Variants in PID1 observed in about 807,000 individuals in gnomAD.
The protein encoded by PID1 is phosphotyrosine interaction domain containing 1.
PID1 carries 10 observed loss-of-function variants against 19.1 expected under a neutral mutation model. That is an observed-to-expected ratio of 0.52 (90% CI 0.32 to 0.89). The LOEUF (loss-of-function observed/expected upper bound fraction) is 0.89, where lower values mean the gene tolerates loss of function less well. Ranked by LOEUF, PID1 falls within the 40% of genes least tolerant of loss-of-function variation. PID1 has a pLI of 0.03. For synonymous variants in PID1, 130 were observed against 116.0 expected (o/e 1.12, Z -0.78); for missense variants, 248 against 285.3 (o/e 0.87, Z 0.94).
At chr2:229,260,378 G>A (rs1232640057) in intron 1 of PID1, among the ~76,000 whole-genome samples, 1 of 151,918 alleles carries the variant, frequency 6.6e-6, no homozygotes, top group African/African-American at 2.4e-5. Flanking sequence ...CTACACAGGT[G>A]CTAAAAGGAA....
At chr2:229,109,016 T>C (rs529572294) in intron 2 of PID1, among the ~76,000 whole-genome samples, 1 of 152,274 alleles carries the variant, frequency 6.6e-6, no homozygotes, top group South Asian at 2.1e-4. Flanking sequence ...GAGGAGATAT[T>C]TGGGTCATAT....
intron 1 of PID1, among the ~76,000 whole-genome samples, chr2:229,259,393 T>G (rs576210487): frequency 6.6e-6 from 1 of 152,202 alleles, no homozygotes; most frequent in African/African-American, 2.4e-5. Flanking sequence ...TCTTTGTTGA[T>G]TGCATTTTTG....
chr2:229,081,080 G>A (rs1022409083), intron 2 of PID1, among the ~76,000 whole-genome samples: 7 of 151,998 alleles, frequency 4.6e-5, no homozygotes, highest in Admixed American at 1.3e-4. Flanking sequence ...TCACCTCCCC[G>A]AATACATACA....
rs77631232 is a variant in PID1, at chr2:229,185,130, T to C, written c.31-29166A>G. Reference sequence around the variant, plus strand: ...ATATATATCCCATATATATATATTCTATTGGTTCTGTTTTCCCAGAGAACC... The same window carrying C: ...ATATATATCCCATATATATATATTCCATTGGTTCTGTTTTCCCAGAGAACC... On this transcript the variant is annotated intron_variant, in intron 1 of 2. Transcript: ENST00000392055. 2.0e-5 allele frequency among the ~76,000 whole-genome samples: 3 copies of C among 150,086 alleles called. No individual in the cohort carries two copies. In the East Asian group the frequency reaches 5.9e-4, roughly 29 times the overall value.
chr2:229,116,098 G>A (rs535449422), intron 2 of PID1, among the ~76,000 whole-genome samples: 7 of 152,158 alleles, frequency 4.6e-5, no homozygotes, highest in South Asian at 2.1e-4. Context: ...ATGGTGGTGG[G>A]TGCCTGTAGT....
rs1460821400 is a variant in PID1, at chr2:229,270,661, A to G, written c.30+353T>C. 2.1e-5 allele frequency among the ~76,000 whole-genome samples: 3 copies of G among 144,648 alleles called. No individual in the cohort carries two copies. The East Asian group carries it at 5.8e-4, about 28-fold the overall frequency. The allele number at this position is 144,648 out of a possible 152,430, so 94.9% of individuals were successfully genotyped here. On this transcript the variant is annotated intron_variant, in intron 1 of 2. Coordinates refer to ENST00000392055, the MANE Select transcript of PID1 (RefSeq NM_001100818.2). The stretch of plus-strand genomic sequence containing the variant: ...GTGACCACAAAAAAAAAAAAAAAAA[A>G]AAAAAAATCTGGCTTCAAAAATCCT...
chr2:229,258,712 G>C (rs1017474236), intron 1 of PID1, among the ~76,000 whole-genome samples: 1 of 151,972 alleles, frequency 6.6e-6, no homozygotes. Context: ...CAAAAAATTA[G>C]CCGGGCCTAC....
intron 1 of PID1, among the ~76,000 whole-genome samples, chr2:229,217,385 A>G (rs1691870019): frequency 1.3e-5 from 2 of 152,254 alleles, no homozygotes; most frequent in Non-Finnish European, 2.9e-5. Context: ...AAACAGCATC[A>G]AGAAGAAATT....
intron 2 of PID1, among the ~76,000 whole-genome samples, chr2:229,069,533 T>C (rs1203473180): frequency 6.6e-6 from 1 of 152,204 alleles, no homozygotes; most frequent in Non-Finnish European, 1.5e-5. Context: ...AAGTACTTGG[T>C]GGCTATTTCT....
intron 2 of PID1, among the ~76,000 whole-genome samples, chr2:229,031,712 A>G (rs1428344588): frequency 6.6e-6 from 1 of 152,222 alleles, no homozygotes; most frequent in African/African-American, 2.4e-5. Flanking sequence ...ATGCAAAGGG[A>G]TAAAATGACG....
At chr2:229,128,433 T>C (rs1258902135) in intron 2 of PID1, among the ~76,000 whole-genome samples, 1 of 152,148 alleles carries the variant, frequency 6.6e-6, no homozygotes, top group Non-Finnish European at 1.5e-5. Flanking sequence ...ACTCCAAGCG[T>C]TTCAAGTTGA....
intron 2 of PID1, among the ~76,000 whole-genome samples, chr2:229,046,780 T>G (rs1360038211): frequency 1.3e-5 from 2 of 152,056 alleles, no homozygotes; most frequent in African/African-American, 2.4e-5. Flanking sequence ...TAGACAAAAA[T>G]TACAATTTGA....
At chr2:229,223,449 T>C (rs1165165277) in intron 1 of PID1, among the ~76,000 whole-genome samples, 1 of 152,256 alleles carries the variant, frequency 6.6e-6, no homozygotes, top group Non-Finnish European at 1.5e-5. Context: ...ACCCTTTGAC[T>C]GTCATATTCA....
At chr2:229,133,716 G>T (rs1689794709) in intron 2 of PID1, among the ~76,000 whole-genome samples, 1 of 151,994 alleles carries the variant, frequency 6.6e-6, no homozygotes, top group African/African-American at 2.4e-5. Context: ...ATTTAAACCA[G>T]CCAATGAGCA....
intron 1 of PID1, among the ~76,000 whole-genome samples, chr2:229,157,838 G>A (rs1352318122): frequency 1.3e-5 from 2 of 152,222 alleles, no homozygotes; most frequent in South Asian, 2.1e-4. Context: ...AACCACCTAC[G>A]TACTGAAATG....
At chr2:229,194,677 T>A (rs1448740904) in intron 1 of PID1, among the ~76,000 whole-genome samples, 3 of 151,960 alleles carry the variant, frequency 2.0e-5, no homozygotes, top group Non-Finnish European at 2.9e-5. Flanking sequence ...TCATAATGTA[T>A]ATGAAATACA....
At position 229,266,851 on chromosome 2, in the gene PID1, T is replaced by C. The variant is rs562869133; in HGVS notation, c.30+4163A>G. On this transcript the variant is annotated intron_variant, in intron 1 of 2. Transcript: ENST00000392055. ...AAAGCAGGTTACTAGTATCTTCCCA[T>C]TCTTAATCCTTGCTCCTTTTGTCAA... Among the ~76,000 whole-genome samples, 39 of 152,346 alleles carry C rather than the reference T, an allele frequency of 2.6e-4. No individual in the cohort carries two copies. The South Asian group carries it at 6.0e-3, about 23-fold the overall frequency.
In PID1 at chr2:229,025,543, T is replaced by C. The variant is rs758739780; in HGVS notation, c.*89A>G. 52 of 991,484 alleles carry C rather than the reference T, an allele frequency of 5.2e-5. No individual in the cohort carries two copies. The highest frequency in any genetic ancestry group is 7.5e-5 in the Non-Finnish European group (49 of 651,028). 61.4% of individuals were successfully genotyped at this position (991,484 alleles called of 1,614,324 possible). On this transcript the variant is annotated 3_prime_UTR_variant, in exon 3 of 3. Transcript: ENST00000392055. ...TGGTCAGCCAATAGTTTGGCAGTCT[T>C]TTCATCCCAAATTTGAAACGTTGCT...
chr2:229,215,386 C>A (rs1691823575), intron 1 of PID1, among the ~76,000 whole-genome samples: 1 of 152,176 alleles, frequency 6.6e-6, no homozygotes, highest in Admixed American at 6.5e-5. Context: ...AGAACACAAC[C>A]TTTGTTAGTC....
Sources: allele counts gnomAD v4.1 joint callset (sites outside exome capture counted in the v4.1 genomes callset), GRCh38; gene constraint gnomAD v4.1.1; transcripts MANE v1.5; gene names NCBI Gene and HGNC (gene_info 2026-07-23, HGNC 2026-07-21).